SLC25A53: variants seen among roughly 807,000 people sequenced by gnomAD.
SLC25A53 encodes mitochondrial carrier triple repeat protein 6.
A neutral mutation model predicts 15.0 loss-of-function variants in SLC25A53; 5 were observed. The observed-to-expected ratio is 0.33, with a 90% CI of 0.17 to 0.70. The LOEUF (loss-of-function observed/expected upper bound fraction) is 0.70. Ranked by LOEUF, SLC25A53 falls within the 30% of genes least tolerant of loss-of-function variation. SLC25A53 has a pLI of 0.67. For synonymous variants in SLC25A53, 95 were observed against 100.0 expected (o/e 0.95, Z 0.30); for missense variants, 216 against 241.6 (o/e 0.89, Z 0.70).
At chrX:104,113,879 A>G (rs1289387500) in intron 1 of SLC25A53, 4 of 441,445 alleles carry the variant, frequency 9.1e-6, no homozygotes, top group Non-Finnish European at 1.5e-5. Context: ...TTGTTAAGGC[A>G]CTGGGCAGAT....
intron 1 of SLC25A53, among the ~76,000 whole-genome samples, chrX:104,123,204 T>G (rs1226865320): frequency 8.9e-6 from 1 of 112,724 alleles, no homozygotes; most frequent in Non-Finnish European, 1.9e-5. Flanking sequence ...GTCAGTAGAC[T>G]TCAGCTACTC....
At chrX:104,155,550 T>C (rs1174211121) in intron 1 of SLC25A53, among the ~76,000 whole-genome samples, 1 of 111,670 alleles carries the variant, frequency 9.0e-6, no homozygotes, top group Non-Finnish European at 1.9e-5. Context: ...CTTCTTTTCT[T>C]GTTCAGAGAA....
chrX:104,128,444 A>C (rs2075417026), intron 1 of SLC25A53, among the ~76,000 whole-genome samples: 1 of 112,168 alleles, frequency 8.9e-6, no homozygotes, highest in African/African-American at 3.2e-5. Flanking sequence ...GGAATGTTTT[A>C]CGTTTCTGAA....
chrX:104,104,882 C>G lies in SLC25A53; in HGVS notation c.376G>C (p.Val126Leu), dbSNP rs112530678. Reference protein sequence around the residue: ...HRWAAGLMSGVVEAVALSPFE... With the variant: ...HRWAAGLMSGLVEAVALSPFE... Reference sequence around the variant, plus strand: ...GGGCTGAGTGCCACGGCCTCCACCACGCCAGACATGAGCCCGGCAGCCCAG... The same window carrying G: ...GGGCTGAGTGCCACGGCCTCCACCAGGCCAGACATGAGCCCGGCAGCCCAG... The change falls in exon 2 of 2, where the codon GTG becomes CTG. Residue 126 changes from valine (V) to leucine (L), a missense_variant. Physicochemically the swap from Val to Leu is conservative, Grantham distance 32. Transcript: ENST00000594199. 5.8e-6 allele frequency: 7 copies of G among 1,210,106 alleles called. No homozygotes were observed. Among genetic ancestry groups the G allele is most frequent in the South Asian group, 3.5e-5 (2 of 56,821 alleles).
chrX:104,153,256 A>AT, intron 1 of SLC25A53, among the ~76,000 whole-genome samples: 1 of 50,433 alleles, frequency 2.0e-5, no homozygotes, highest in Admixed American at 2.9e-4. Context: ...GTATATATAT[A>AT]TATATATTTT....
rs1479067694 is a variant in SLC25A53, at chrX:104,099,927, G to A, written c.*4407C>T. On this transcript the variant is annotated 3_prime_UTR_variant, in exon 2 of 2. Coordinates refer to ENST00000594199, the MANE Select transcript of SLC25A53 (RefSeq NM_001012755.5). ...CTAGTTGGAAATGATGAGGGAGGGA[G>A]TATTAAAAGATTTGAGGAAAGGAAG... The A allele has an allele frequency of 3.6e-5, 4 of 111,575 alleles. No individual in the cohort carries two copies. The highest frequency in any genetic ancestry group is 5.6e-5 in the Non-Finnish European group (3 of 53,113). 9.2% of individuals were successfully genotyped at this position (111,575 alleles called of 1,213,427 possible).
At chrX:104,119,799 G>T (rs1462864747) in intron 1 of SLC25A53, among the ~76,000 whole-genome samples, 2 of 111,513 alleles carry the variant, frequency 1.8e-5, no homozygotes, top group African/African-American at 6.5e-5. Context: ...CAGAACTCCA[G>T]AAATTCCCAT....
intron 1 of SLC25A53, among the ~76,000 whole-genome samples, chrX:104,107,918 AAAT>A (rs1479645482): frequency 2.7e-5 from 3 of 111,837 alleles, no homozygotes; most frequent in African/African-American, 9.8e-5. Flanking sequence ...AGAAAGGGCA[AAAT>A]AATTTTTAGT....
intron 1 of SLC25A53, among the ~76,000 whole-genome samples, chrX:104,120,537 G>C (rs1471611422): frequency 9.0e-6 from 1 of 111,169 alleles, no homozygotes; most frequent in Non-Finnish European, 1.9e-5. Context: ...GTCTTTTGAT[G>C]TTGATATTGT....
intron 1 of SLC25A53, among the ~76,000 whole-genome samples, chrX:104,150,643 C>T (rs2075482036): frequency 8.9e-6 from 1 of 112,337 alleles, no homozygotes. Context: ...TGCTACTTTA[C>T]CAATTAGCCT....
chrX:104,127,894 G>A (rs1442485342), intron 1 of SLC25A53, among the ~76,000 whole-genome samples: 1 of 111,271 alleles, frequency 9.0e-6, no homozygotes, highest in Non-Finnish European at 1.9e-5. Context: ...AACTGGTGAG[G>A]TGGAGATTGC....
At chrX:104,142,395 T>A (rs41365047) in intron 1 of SLC25A53, among the ~76,000 whole-genome samples, 1 of 112,391 alleles carries the variant, frequency 8.9e-6, no homozygotes, top group Admixed American at 9.4e-5. Context: ...CCAAGGAAGA[T>A]TGAACAGCTA....
At chrX:104,128,305 A>T (rs1290799200) in intron 1 of SLC25A53, among the ~76,000 whole-genome samples, 3 of 112,143 alleles carry the variant, frequency 2.7e-5, no homozygotes, top group Non-Finnish European at 5.6e-5. Flanking sequence ...AGATCTATCA[A>T]TATTTATTAT....
intron 1 of SLC25A53, among the ~76,000 whole-genome samples, chrX:104,118,958 G>T (rs2075385650): frequency 1.8e-5 from 2 of 112,173 alleles, no homozygotes; most frequent in Non-Finnish European, 3.8e-5. Context: ...CCTTCCTGCT[G>T]CCTGGCAACC....
intron 1 of SLC25A53, among the ~76,000 whole-genome samples, chrX:104,106,246 T>C (rs1413923260): frequency 9.0e-6 from 1 of 110,957 alleles, no homozygotes; most frequent in Non-Finnish European, 1.9e-5. Context: ...AGGAAGCAGA[T>C]GGCTAGTATG....
At chrX:104,113,835 T>A in intron 1 of SLC25A53, 2 of 324,927 alleles carry the variant, frequency 6.2e-6, no homozygotes, top group East Asian at 1.2e-4. Context: ...CTGCTAGCTC[T>A]GGAATGTTGT....
chrX:104,143,685 T>C (rs2075457610), intron 1 of SLC25A53, among the ~76,000 whole-genome samples: 1 of 111,990 alleles, frequency 8.9e-6, no homozygotes, highest in African/African-American at 3.2e-5. Context: ...CTCTGCAGGA[T>C]ATTATCCAGG....
At chrX:104,115,326 A>C (rs1556361065) in intron 1 of SLC25A53, 10 of 1,151,784 alleles carry the variant, frequency 8.7e-6, no homozygotes, top group Admixed American at 2.7e-5. Context: ...CACAGTAAGG[A>C]TCTAGTCCAG....
intron 1 of SLC25A53, among the ~76,000 whole-genome samples, chrX:104,125,729 A>C (rs1328689240): frequency 9.0e-6 from 1 of 111,655 alleles, no homozygotes; most frequent in African/African-American, 3.3e-5. Flanking sequence ...CAATGACCTT[A>C]AGAGGGAGCT....
Sources: gnomAD v4.1 joint callset for allele counts (sites outside exome capture counted in the v4.1 genomes callset) on GRCh38, gnomAD v4.1.1 for gene constraint, MANE v1.5 for transcripts, NCBI Gene and HGNC (gene_info 2026-07-23, HGNC 2026-07-21) for gene names.